HIPK4: variants seen among roughly 807,000 people sequenced by gnomAD.
HIPK4 encodes homeodomain interacting protein kinase 4.
HIPK4 carries 26 observed loss-of-function variants against 44.8 expected under a neutral mutation model. The ratio of observed to expected loss-of-function variants is 0.58; its 90% CI spans 0.43 to 0.80. The LOEUF (loss-of-function observed/expected upper bound fraction) is 0.80. Ranked by LOEUF, HIPK4 falls within the 30% of genes least tolerant of loss-of-function variation. The pLI is 0.00. For missense variants in HIPK4, 729 were observed against 862.6 expected (o/e 0.85, Z 1.94); for synonymous variants, 340 against 355.5 (o/e 0.96, Z 0.49).
intron 1 of HIPK4, among the ~76,000 whole-genome samples, chr19:40,385,668 TTTTTC>T (rs1376543862): frequency 4.0e-5 from 6 of 148,614 alleles, no homozygotes; most frequent in African/African-American, 7.4e-5. Context: ...CCTGTTTTTC[TTTTTC>T]TTTTCTTTTC....
rs1295988015 is a variant in HIPK4 at position 40,380,971 on chromosome 19, A to AT, written c.1019_1020insA (p.Ala341CysfsTer57). The AT allele has an allele frequency of 6.2e-7, 1 of 1,612,898 alleles. No individual in the cohort carries two copies. The highest frequency in any genetic ancestry group is 8.5e-7 in the Non-Finnish European group (1 of 1,179,948). ...TGGACACGAAGGGGTGGCGCAGGGC[A>AT]GCACTGGGGCTGATGCGTTCGTGTG... On this transcript the variant is annotated frameshift_variant, in exon 3 of 4. Coordinates refer to ENST00000291823, the MANE Select transcript of HIPK4 (RefSeq NM_144685.5). LOFTEE classifies it high-confidence loss of function. This position sits in a 1 kb window ranked among gnomAD's most constrained non-coding sequence, Gnocchi z 4.2.
intron 1 of HIPK4, among the ~76,000 whole-genome samples, chr19:40,384,650 C>T (rs1228523979): frequency 7.4e-5 from 10 of 135,420 alleles, no homozygotes; most frequent in East Asian, 6.7e-4. Flanking sequence ...CTCACTCTGT[C>T]GCCCAGGCTA....
At chr19:40,387,107 G>A (rs540111141) in intron 1 of HIPK4, among the ~76,000 whole-genome samples, 5 of 151,880 alleles carry the variant, frequency 3.3e-5, no homozygotes, top group Non-Finnish European at 5.9e-5. Context: ...CTCCCACCTC[G>A]GCCTCCCAAA....
At position 40,380,966 on chromosome 19, in the gene HIPK4, AG is replaced by A; in HGVS notation, c.1024del (p.Leu342CysfsTer91). On this transcript the variant is annotated frameshift_variant, in exon 3 of 4. Coordinates refer to ENST00000291823, the MANE Select transcript of HIPK4 (RefSeq NM_144685.5). LOFTEE classifies it high-confidence loss of function. The surrounding 1 kb of genome is among the most constrained non-coding windows in gnomAD (Gnocchi z 4.2). ...CTGCATGGACACGAAGGGGTGGCGCAGGGCAGCACTGGGGCTGATGCGTTCG... is the reference window on the plus strand; with the variant it reads ...CTGCATGGACACGAAGGGGTGGCGCAGGCAGCACTGGGGCTGATGCGTTCG... ...SHERISPSAA[L>X]RHPFVSMQQL... 6.2e-7 allele frequency: 1 copy of A among 1,612,698 alleles called. No individual in the cohort carries two copies. Among genetic ancestry groups the A allele is most frequent in the Non-Finnish European group, 8.5e-7 (1 of 1,179,764 alleles).
Position 40,379,468 on chromosome 19 carries a change from A to C in HIPK4, c.*119T>G, listed in dbSNP as rs372421367. On this transcript the variant is annotated 3_prime_UTR_variant, in exon 4 of 4. Transcript: ENST00000291823. ...GGGGAATGAGAATTTCTGGATAACT[A>C]TCTTTCTGTAAGAATAATTTGTGGG... 2.2e-6 allele frequency: 2 copies of C among 898,460 alleles called. No individual in the cohort carries two copies. Among genetic ancestry groups the C allele is most frequent in the Non-Finnish European group, 3.2e-6 (2 of 621,866 alleles). 55.7% of individuals were successfully genotyped at this position (898,460 alleles called of 1,614,324 possible). A position where few individuals can be genotyped will look rare whatever the true frequency, so the allele number is the denominator to read the frequency against.
rs1262408848 is a variant in HIPK4 at position 40,381,134 on chromosome 19, T to C, written c.857A>G (p.Lys286Arg). ...RPLERRKYML[K>R]SLDQIETVNG... ...CACTGTCTCAATCTGGTCCAACGAC[T>C]TGAGCATATACTTGCGGCGCTCCAA... Residue 286 changes from lysine to arginine, a missense_variant, in exon 3 of 4, where the codon AAG becomes AGG. Physicochemically the swap from Lys to Arg is conservative, Grantham distance 26 (BLOSUM62 2). Coordinates refer to ENST00000291823, the MANE Select transcript of HIPK4 (RefSeq NM_144685.5). 6.2e-7 allele frequency: 1 copy of C among 1,605,710 alleles called. No homozygotes were observed. Among genetic ancestry groups the C allele is most frequent in the South Asian group, 1.1e-5 (1 of 91,064 alleles).
In HIPK4 at chr19:40,380,411, T is replaced by C; in HGVS notation, c.1580A>G (p.Glu527Gly). ...TGGCTCAGCAGAGGCCCCGAGATGC[T>C]CTCCTTCCTCCCAGCTGCTGCCCCG... Reference protein sequence around the residue: ...PCRGSSWEEGEHLGASAEPLA... With the variant: ...PCRGSSWEEGGHLGASAEPLA... Residue 527 changes from glutamate to glycine, a missense_variant, in exon 3 of 4, where the codon GAG becomes GGG. Physicochemically the swap from Glu to Gly is moderately conservative, Grantham distance 98. Transcript: ENST00000291823. The surrounding 1 kb of genome is among the most constrained non-coding windows in gnomAD (Gnocchi z 4.2). 1.2e-6 allele frequency: 2 copies of C among 1,614,142 alleles called. No homozygotes were observed.
chr19:40,386,862 G>C (rs1264932219), intron 1 of HIPK4, among the ~76,000 whole-genome samples: 2 of 151,280 alleles, frequency 1.3e-5, no homozygotes, highest in Non-Finnish European at 2.9e-5. Context: ...CTCTCTCTCT[G>C]TCTCTCATTT....
In HIPK4 at chr19:40,389,960, C is replaced by T. The variant is rs541725910; in HGVS notation, c.-58G>A. 2.9e-6 allele frequency: 4 copies of T among 1,363,028 alleles called. No homozygotes were observed. The Admixed American group carries it at 5.9e-5, about 20-fold the overall frequency. 84.4% of individuals were successfully genotyped at this position (1,363,028 alleles called of 1,614,324 possible). ...GGCCCCTGTACCACTGGCTCTGCCGCCCAGGCCTCCCGCCTGGCTGCTGAC... is the reference window on the plus strand; with the variant it reads ...GGCCCCTGTACCACTGGCTCTGCCGTCCAGGCCTCCCGCCTGGCTGCTGAC... On this transcript the variant is annotated 5_prime_UTR_variant, in exon 1 of 4. Transcript: ENST00000291823. This position sits in a 1 kb window ranked among gnomAD's most constrained non-coding sequence, Gnocchi z 4.6.
rs772511144 is a variant in HIPK4 at position 40,381,104 on chromosome 19, C to T, written c.887G>A (p.Gly296Asp). 3.1e-6 allele frequency: 5 copies of T among 1,610,994 alleles called. No individual in the cohort carries two copies. Among genetic ancestry groups the T allele is most frequent in the Non-Finnish European group, 3.4e-6 (4 of 1,179,984 alleles). Reference sequence around the variant, plus strand: ...GGTTAGCCGACTGGCCACACTGCCACCATTCACTGTCTCAATCTGGTCCAA... The same window carrying T: ...GGTTAGCCGACTGGCCACACTGCCATCATTCACTGTCTCAATCTGGTCCAA... ...KSLDQIETVN[G>D]GSVASRLTFP... The change falls in exon 3 of 4, where the codon GGT becomes GAT. Residue 296 changes from glycine to aspartate, a missense_variant. Coordinates refer to ENST00000291823, the MANE Select transcript of HIPK4 (RefSeq NM_144685.5).
Position 40,389,371 on chromosome 19 carries a change from G to T in HIPK4, c.465+67C>A. 1.3e-6 allele frequency: 1 copy of T among 773,050 alleles called. No individual in the cohort carries two copies. The highest frequency in any genetic ancestry group is 1.8e-6 in the Non-Finnish European group (1 of 541,860). 47.9% of individuals were successfully genotyped at this position (773,050 alleles called of 1,614,324 possible). A position where few individuals can be genotyped will look rare whatever the true frequency, so the allele number is the denominator to read the frequency against. On this transcript the variant is annotated intron_variant, in intron 1 of 3. Coordinates refer to ENST00000291823, the MANE Select transcript of HIPK4 (RefSeq NM_144685.5). The surrounding 1 kb of genome is among the most constrained non-coding windows in gnomAD (Gnocchi z 4.6). The stretch of plus-strand genomic sequence containing the variant: ...TTAAAAAATTAAAAAAAAAATCTAG[G>T]GCTGGAAGAAGCTGGGAAAAAGACA...
At chr19:40,381,380 G>T (rs1387488189) in intron 2 of HIPK4, among the ~76,000 whole-genome samples, 4 of 152,088 alleles carry the variant, frequency 2.6e-5, no homozygotes, top group Non-Finnish European at 1.5e-5. Context: ...TCCACCCCTT[G>T]CCCCAGACCT....
chr19:40,380,129 G>T lies in HIPK4; in HGVS notation c.1668+194C>A, dbSNP rs1457142093. Among the ~76,000 whole-genome samples the T allele has an allele frequency of 6.6e-6, 1 of 152,184 alleles. No homozygotes were observed. The highest frequency in any genetic ancestry group is 1.5e-5 in the Non-Finnish European group (1 of 68,028). ...GAGTTTTTGTCACAGCCTGGAAGTA[G>T]CTGAGTAAGTGCTGAGCCTTATCAT... On this transcript the variant is annotated intron_variant, in intron 3 of 3. Transcript: ENST00000291823. The surrounding 1 kb of genome is among the most constrained non-coding windows in gnomAD (Gnocchi z 4.2).
chr19:40,380,852 G>A lies in HIPK4; in HGVS notation c.1139C>T (p.Pro380Leu). 1.2e-6 allele frequency: 2 copies of A among 1,609,126 alleles called. No homozygotes were observed. Among genetic ancestry groups the A allele is most frequent in the Non-Finnish European group, 1.7e-6 (2 of 1,175,886 alleles). ...ATCTTCTGCGGCCACGACGGGCGTG[G>A]GGGGCTTCCCCTCCACTTGCAGCGA... ...RLSLQVEGKP[P>L]TPVVAAEDGT... Residue 380 changes from proline (P) to leucine (L), a missense_variant, in exon 3 of 4, where the codon CCC becomes CTC. Around this residue, in one of 2 missense-constraint regions of HIPK4, gnomAD observed 533 missense variants for 567.5 expected, o/e 0.94. Transcript: ENST00000291823. This position sits in a 1 kb window ranked among gnomAD's most constrained non-coding sequence, Gnocchi z 4.2.
rs533520820 is a variant in HIPK4, at chr19:40,380,293, C to T, written c.1668+30G>A. 1.1e-5 allele frequency: 18 copies of T among 1,602,566 alleles called. No individual in the cohort carries two copies. The highest frequency in any genetic ancestry group is 6.7e-5 in the Admixed American group (4 of 59,622). On this transcript the variant is annotated intron_variant, in intron 3 of 3. Transcript: ENST00000291823. This position sits in a 1 kb window ranked among gnomAD's most constrained non-coding sequence, Gnocchi z 4.2. ...AGTGTGTGCTGAGCCTCCTCCCACC[C>T]TAATCGTATCCTGAACGCACCCGGC... is the stretch of plus-strand genomic sequence containing the variant.
In HIPK4 at chr19:40,380,143, G is replaced by A. The variant is rs1039441952; in HGVS notation, c.1668+180C>T. 6.6e-6 allele frequency among the ~76,000 whole-genome samples: 1 copy of A among 152,132 alleles called. No individual in the cohort carries two copies. Among genetic ancestry groups the A allele is most frequent in the Non-Finnish European group, 1.5e-5 (1 of 68,014 alleles). On this transcript the variant is annotated intron_variant, in intron 3 of 3. Transcript: ENST00000291823. This position sits in a 1 kb window ranked among gnomAD's most constrained non-coding sequence, Gnocchi z 4.2. The stretch of plus-strand genomic sequence containing the variant: ...GCCTGGAAGTAGCTGAGTAAGTGCT[G>A]AGCCTTATCATATCTTGACGGTATT...
chr19:40,387,211 G>A (rs1302447541), intron 1 of HIPK4, among the ~76,000 whole-genome samples: 2 of 151,822 alleles, frequency 1.3e-5, no homozygotes, highest in African/African-American at 4.8e-5. Flanking sequence ...CCTGTCTCTT[G>A]TCTCTCAGTG....
At chr19:40,383,294 G>A (rs1341220291) in intron 2 of HIPK4, among the ~76,000 whole-genome samples, 1 of 151,798 alleles carries the variant, frequency 6.6e-6, no homozygotes, top group Non-Finnish European at 1.5e-5. Flanking sequence ...ATCTTGGCCA[G>A]GCTGGTCTTG....
chr19:40,379,558 C>A lies in HIPK4; in HGVS notation c.*29G>T. 1 of 1,489,914 alleles carries A rather than the reference C, an allele frequency of 6.7e-7. No homozygotes were observed. The allele number at this position is 1,489,914 out of a possible 1,614,324, so 92.3% of individuals were successfully genotyped here. A position where few individuals can be genotyped will look rare whatever the true frequency, so the allele number is the denominator to read the frequency against. ...GAATGCCAGCCCAGCTAGCGCAGCC[C>A]CCAGTGATGGGCAGGGGTGGAATCA... On this transcript the variant is annotated 3_prime_UTR_variant, in exon 4 of 4. Coordinates refer to ENST00000291823, the MANE Select transcript of HIPK4 (RefSeq NM_144685.5).
Sources: allele counts gnomAD v4.1 joint callset (sites outside exome capture counted in the v4.1 genomes callset), GRCh38; gene constraint gnomAD v4.1.1; regional missense constraint gnomAD v4.1.1; non-coding constraint Gnocchi (gnomAD v3.1); transcripts MANE v1.5; gene names NCBI Gene and HGNC (gene_info 2026-07-23, HGNC 2026-07-21).